DOCK9: variants seen among roughly 807,000 people sequenced by gnomAD.
The protein encoded by DOCK9 is dedicator of cytokinesis protein 9.
DOCK9 carries 89 observed loss-of-function variants against 263.3 expected under a neutral mutation model. The ratio of observed to expected loss-of-function variants is 0.34; its 90% CI spans 0.28 to 0.40. The LOEUF (loss-of-function observed/expected upper bound fraction) is 0.40, where lower values mean the gene tolerates loss of function less well. Ranked by LOEUF, DOCK9 falls within the 10% of genes least tolerant of loss-of-function variation. The pLI is 1.00. For synonymous variants in DOCK9, 976 were observed against 973.1 expected, an observed-to-expected ratio of 1.00 and a Z score of -0.06; for missense variants, 2,140 against 2,603.4, an observed-to-expected ratio of 0.82 and a Z score of 3.87.
At chr13:98,846,430 A>T (rs75207040) in intron 37 of DOCK9, 90 of 820,896 alleles carry the variant, frequency 1.1e-4, no homozygotes, top group Admixed American at 6.0e-4. Flanking sequence ...AAAGACATGT[A>T]TTTTTTTTAA....
At position 98,863,643 on chromosome 13, in the gene DOCK9, C is replaced by T. The variant is rs557918869; in HGVS notation, c.3287-95G>A. On this transcript the variant is annotated intron_variant, in intron 30 of 52. Coordinates refer to ENST00000682017, the MANE Select transcript of DOCK9 (RefSeq NM_001366683.2). ...ACAAACAAAAAAAACTAAGACCCAT[C>T]CTCTGCATTCAGCCCACCCTGGGTG... 7.0e-5 allele frequency: 92 copies of T among 1,318,358 alleles called. No individual in the cohort carries two copies. In the African/African-American group the frequency reaches 1.2e-3, roughly 18 times the overall value. The allele number at this position is 1,318,358 out of a possible 1,614,324, so 81.7% of individuals were successfully genotyped here. A position where few individuals can be genotyped will look rare whatever the true frequency, so the allele number is the denominator to read the frequency against.
rs565433891 is a variant in DOCK9 at position 98,957,372 on chromosome 13, T to G, written c.127-1821A>C. Among the ~76,000 whole-genome samples the G allele has an allele frequency of 2.0e-5, 3 of 152,288 alleles. No individual in the cohort carries two copies. The East Asian group carries it at 5.8e-4, about 29-fold the overall frequency. The stretch of plus-strand genomic sequence containing the variant: ...ATGCTCATATTTAACTCCAATTACT[T>G]GATTTAACAACACTCTACAAAGATG... On this transcript the variant is annotated intron_variant, in intron 1 of 52. Coordinates refer to ENST00000682017, the MANE Select transcript of DOCK9 (RefSeq NM_001366683.2).
At chr13:99,030,690 T>C (rs1312611560) in intron 1 of DOCK9, among the ~76,000 whole-genome samples, 1 of 152,204 alleles carries the variant, frequency 6.6e-6, no homozygotes, top group Non-Finnish European at 1.5e-5. Flanking sequence ...TGATGCCTCA[T>C]TATAAAACCA....
At chr13:98,987,847 G>T (rs528338041) in intron 1 of DOCK9, among the ~76,000 whole-genome samples, 1 of 152,136 alleles carries the variant, frequency 6.6e-6, no homozygotes, top group Admixed American at 6.5e-5. Context: ...ACATAATTTT[G>T]TCTCCTTTTT....
At chr13:98,935,326 T>C (rs1419824267) in intron 2 of DOCK9, among the ~76,000 whole-genome samples, 1 of 152,148 alleles carries the variant, frequency 6.6e-6, no homozygotes, top group African/African-American at 2.4e-5. Flanking sequence ...AACTAAAAAC[T>C]TAAGTCAAAG....
intron 45 of DOCK9, among the ~76,000 whole-genome samples, chr13:98,811,711 T>C (rs2091314078): frequency 6.6e-6 from 1 of 152,256 alleles, no homozygotes; most frequent in South Asian, 2.1e-4. Flanking sequence ...TGTATGCCTA[T>C]GTCTAGGTTT....
chr13:98,864,835 C>G (rs988645924), intron 30 of DOCK9, among the ~76,000 whole-genome samples: 4 of 152,040 alleles, frequency 2.6e-5, no homozygotes, highest in African/African-American at 9.7e-5. Context: ...GCCCTCCTTG[C>G]CATAATGAGT....
intron 46 of DOCK9, 40 bp downstream of exon 46, chr13:98,810,129 T>C (rs1465416342): frequency 6.2e-7 from 1 of 1,612,938 alleles, no homozygotes; most frequent in Admixed American, 1.7e-5. Flanking sequence ...CACAGCGTCA[T>C]GCTCTCAAAT....
chr13:98,953,382 CAG>C (rs769609148), intron 2 of DOCK9, among the ~76,000 whole-genome samples: 9 of 152,226 alleles, frequency 5.9e-5, no homozygotes, highest in Non-Finnish European at 1.2e-4. Context: ...AAAGGGGACA[CAG>C]AAGTTTTCTC....
At chr13:98,930,031 T>C (rs73560681) in intron 3 of DOCK9, 137 bp downstream of exon 3, 34,854 of 752,940 alleles carry the variant, frequency 0.046, 1,276 homozygotes, top group African/African-American at 0.16. Flanking sequence ...AAAATTCACA[T>C]TATTCTATTT....
At chr13:98,937,700 GT>G (rs914476044) in intron 2 of DOCK9, among the ~76,000 whole-genome samples, 6 of 116,540 alleles carry the variant, frequency 5.1e-5, no homozygotes, top group South Asian at 7.4e-4. Flanking sequence ...TTATGGGACA[GT>G]TTTTTGTTTT....
upstream of DOCK9, among the ~76,000 whole-genome samples, chr13:98,979,187 T>TAGTAGC (rs1555439326): frequency 1.2e-3 from 138 of 113,042 alleles, no homozygotes; most frequent in African/African-American, 5.1e-3. Flanking sequence ...GCAATAGTAG[T>TAGTAGC]AGTAGTAGTA....
Position 98,825,842 on chromosome 13 carries a change from C to G in DOCK9, c.5023+988G>C. 1 of 1,448,910 alleles carries G rather than the reference C, an allele frequency of 6.9e-7. No individual in the cohort carries two copies. The highest frequency in any genetic ancestry group is 1.4e-5 in the African/African-American group (1 of 68,974). 89.8% of individuals were successfully genotyped at this position (1,448,910 alleles called of 1,614,324 possible). ...GGGCACGTGACCAGGGCAGGGGGTC[C>G]CCGGGGGCTGGGCTGATCCTCAGGC... On this transcript the variant is annotated intron_variant, in intron 44 of 52. Coordinates refer to ENST00000682017, the MANE Select transcript of DOCK9 (RefSeq NM_001366683.2). This position sits in a 1 kb window ranked among gnomAD's most constrained non-coding sequence, Gnocchi z 4.1.
rs1426417689 is a variant in DOCK9, at chr13:98,930,737, C to T, written c.244-480G>A. On this transcript the variant is annotated intron_variant, in intron 2 of 52. Transcript: ENST00000682017. Reference sequence around the variant, plus strand: ...TCGGCTCACTGCAACCTCCGCCACCCGGGTTCAAGCGATTCTCCTGTCTCA... The same window carrying T: ...TCGGCTCACTGCAACCTCCGCCACCTGGGTTCAAGCGATTCTCCTGTCTCA... 2.6e-5 allele frequency among the ~76,000 whole-genome samples: 4 copies of T among 152,090 alleles called. No individual in the cohort carries two copies. In the South Asian group the frequency reaches 6.2e-4, roughly 24 times the overall value.
chr13:98,798,731 T>A (rs1430469961), intron 50 of DOCK9, among the ~76,000 whole-genome samples: 2 of 152,192 alleles, frequency 1.3e-5, no homozygotes, highest in Admixed American at 1.3e-4. Flanking sequence ...AATACGCAAA[T>A]AAAATGATAA....
chr13:98,914,294 T>C, intron 9 of DOCK9, 34 bp downstream of exon 9: 1 of 1,571,520 alleles, frequency 6.4e-7, no homozygotes, highest in Non-Finnish European at 8.7e-7. Flanking sequence ...TCAACAGCAT[T>C]CAACGAAGAG....
rs147886678 is a variant in DOCK9 at position 99,062,606 on chromosome 13, C to A, written c.129+23617G>T. 2.0e-5 allele frequency among the ~76,000 whole-genome samples: 3 copies of A among 152,184 alleles called. No homozygotes were observed. In the East Asian group the frequency reaches 5.8e-4, roughly 29 times the overall value. ...AGAATGAGGGGCACTTGTCTGCATT[C>A]GCTCCCGCAAGCCTTCTACAACAGG... is the stretch of plus-strand genomic sequence containing the variant. On this transcript the variant is annotated intron_variant, in intron 1 of 32. Coordinates refer to the DOCK9 transcript ENST00000427887.
chr13:99,041,967 T>C (rs1285577872), intron 1 of DOCK9, among the ~76,000 whole-genome samples: 1 of 152,228 alleles, frequency 6.6e-6, no homozygotes, highest in Non-Finnish European at 1.5e-5. Flanking sequence ...TTCAGACTTT[T>C]GGTCTCTCAG....
At position 98,810,152 on chromosome 13, in the gene DOCK9, A is replaced by G; in HGVS notation, c.5253+17T>C. The G allele has an allele frequency of 6.2e-7, 1 of 1,613,800 alleles. No homozygotes were observed. The highest frequency in any genetic ancestry group is 8.5e-7 in the Non-Finnish European group (1 of 1,179,820). On this transcript the variant is annotated intron_variant, in intron 46 of 52. Coordinates refer to ENST00000682017, the MANE Select transcript of DOCK9 (RefSeq NM_001366683.2). ...CATGCTCTCAAATAGGAAAAAAACA[A>G]AAAGGCACTCTCATACCTCAAAATC...
Sources: allele counts gnomAD v4.1 joint callset (sites outside exome capture counted in the v4.1 genomes callset), GRCh38; gene constraint gnomAD v4.1.1; non-coding constraint Gnocchi (gnomAD v3.1); transcripts MANE v1.5; gene names NCBI Gene and HGNC (gene_info 2026-07-23, HGNC 2026-07-21).